The following CDH18 variants were observed in gnomAD, a reference collection of about 807,000 sequenced individuals.
CDH18 encodes the protein cadherin 18.
A neutral mutation model predicts 67.9 loss-of-function variants in CDH18; 31 were observed. The observed-to-expected ratio is 0.46, with a 90% CI of 0.34 to 0.62. The LOEUF is 0.62. Among genes scored for constraint, CDH18 ranks in the 20% least tolerant of loss-of-function variants. The probability of loss-of-function intolerance (pLI) is 0.01; values close to 1 mark genes in which losing one functional copy is unlikely to be tolerated. For synonymous variants in CDH18, 362 were observed against 347.2 expected, an observed-to-expected ratio of 1.04 and a Z score of -0.48; for missense variants, 890 against 975.5, an observed-to-expected ratio of 0.91 and a Z score of 1.17.
At chr5:19,918,703 G>T (rs1792098806) in intron 2 of CDH18, among the ~76,000 whole-genome samples, 1 of 152,046 alleles carries the variant, frequency 6.6e-6, no homozygotes, top group South Asian at 2.1e-4. Context: ...TGAAAAAATG[G>T]AAAGAGATCT....
chr5:20,352,634 A>C (rs1741291778), intron 1 of CDH18, among the ~76,000 whole-genome samples: 1 of 150,460 alleles, frequency 6.6e-6, no homozygotes, highest in South Asian at 2.1e-4. Flanking sequence ...CAAAAAAAAA[A>C]AAAAAAAAAA....
chr5:19,490,474 G>A (rs1010080787), intron 11 of CDH18, among the ~76,000 whole-genome samples: 4 of 134,314 alleles, frequency 3.0e-5, no homozygotes, highest in Non-Finnish European at 4.6e-5. Context: ...GAGTGCAGTG[G>A]TGCGATCTTG....
chr5:19,612,841 T>G (rs1749212831), intron 5 of CDH18, among the ~76,000 whole-genome samples: 1 of 152,138 alleles, frequency 6.6e-6, no homozygotes, highest in Non-Finnish European at 1.5e-5. Context: ...CTGCATTCCT[T>G]AAAGTAGATG....
intron 3 of CDH18, among the ~76,000 whole-genome samples, chr5:19,825,219 G>T (rs1247080667): frequency 6.6e-6 from 1 of 152,122 alleles, no homozygotes; most frequent in African/African-American, 2.4e-5. Context: ...ATGGCAGGGT[G>T]GGTGACTCAA....
intron 1 of CDH18, among the ~76,000 whole-genome samples, chr5:20,543,983 A>G (rs771813398): frequency 3.3e-5 from 5 of 152,130 alleles, no homozygotes; most frequent in African/African-American, 4.8e-5. Flanking sequence ...TAGAACACAT[A>G]TTTATTTTCT....
intron 10 of CDH18, among the ~76,000 whole-genome samples, chr5:19,506,545 T>C (rs1160130445): frequency 6.6e-6 from 1 of 152,160 alleles, no homozygotes; most frequent in Non-Finnish European, 1.5e-5. Context: ...AGCATGGTAC[T>C]GGTACCAAAA....
chr5:20,252,086 T>C (rs1339956538), intron 2 of CDH18, among the ~76,000 whole-genome samples: 2 of 152,092 alleles, frequency 1.3e-5, no homozygotes, highest in African/African-American at 4.8e-5. Context: ...GCAAGGCAAC[T>C]GTATATAAAA....
chr5:19,568,226 T>C (rs1257973743), intron 8 of CDH18, among the ~76,000 whole-genome samples: 1 of 152,106 alleles, frequency 6.6e-6, no homozygotes, highest in Non-Finnish European at 1.5e-5. Flanking sequence ...TGCTACAAGC[T>C]GAATGCTTTT....
chr5:19,916,335 G>T (rs535148690), intron 2 of CDH18, among the ~76,000 whole-genome samples: 21 of 152,198 alleles, frequency 1.4e-4, no homozygotes, highest in African/African-American at 4.6e-4. Context: ...CTATTCTTCT[G>T]CAAGAAATCT....
intron 1 of CDH18, among the ~76,000 whole-genome samples, chr5:20,568,598 C>T (rs1758643515): frequency 2.0e-5 from 3 of 148,534 alleles, no homozygotes; most frequent in Admixed American, 2.0e-4. Context: ...CAAGAGTGGG[C>T]ATTTCAGAAT....
chr5:20,270,616 A>G (rs142854626), intron 1 of CDH18, among the ~76,000 whole-genome samples: 1,712 of 152,272 alleles, frequency 0.011, 35 homozygotes, highest in African/African-American at 0.039. Flanking sequence ...CATTGGACTC[A>G]GCAATCCCAT....
chr5:19,656,357 T>C (rs759455464), intron 5 of CDH18, among the ~76,000 whole-genome samples: 1 of 152,106 alleles, frequency 6.6e-6, no homozygotes, highest in Non-Finnish European at 1.5e-5. Context: ...CATTTTTTTC[T>C]TAAAATGTAA....
rs906169960 is a variant in CDH18, at chr5:20,130,758, T to C, written c.-518+124686A>G. 3.3e-5 allele frequency among the ~76,000 whole-genome samples: 5 copies of C among 152,042 alleles called. 1 individual carries two copies. The highest frequency in any genetic ancestry group is 4.8e-5 in the African/African-American group (2 of 41,364). On this transcript the variant is annotated intron_variant, in intron 2 of 14. Transcript: ENST00000507958. ...ATTTTTTACCTCAATTTCTTCCTTT[T>C]AAAAATCTCATATCAATATAAGTAA... is the stretch of plus-strand genomic sequence containing the variant.
chr5:19,503,177 T>C (rs13183769), intron 10 of CDH18, 68 bp from the exon 11 acceptor site: 2 of 740,790 alleles, frequency 2.7e-6, no homozygotes, highest in East Asian at 2.5e-5. Flanking sequence ...AATTACACTG[T>C]ATTATTTCTG....
At chr5:20,277,044 C>T (rs575416486) in intron 1 of CDH18, among the ~76,000 whole-genome samples, 2 of 152,208 alleles carry the variant, frequency 1.3e-5, no homozygotes, top group African/African-American at 4.8e-5. Context: ...AACGTCAGGC[C>T]CTGGCTTCAG....
At chr5:20,145,190 T>G (rs1750547019) in intron 2 of CDH18, among the ~76,000 whole-genome samples, 2 of 152,294 alleles carry the variant, frequency 1.3e-5, no homozygotes, top group South Asian at 4.1e-4. Context: ...TACATAAATT[T>G]AAATCTTATT....
intron 1 of CDH18, among the ~76,000 whole-genome samples, chr5:20,331,728 GC>G (rs1739210073): frequency 6.6e-6 from 1 of 152,118 alleles, no homozygotes; most frequent in Non-Finnish European, 1.5e-5. Context: ...TTACACCTGG[GC>G]CCAACTTCCT....
At chr5:20,066,195 T>C (rs1156353951) in intron 2 of CDH18, among the ~76,000 whole-genome samples, 2 of 152,016 alleles carry the variant, frequency 1.3e-5, no homozygotes, top group Non-Finnish European at 2.9e-5. Flanking sequence ...TATAAATTTC[T>C]CTGGTGACCC....
chr5:20,185,319 T>C (rs962892206), intron 2 of CDH18, among the ~76,000 whole-genome samples: 7 of 152,074 alleles, frequency 4.6e-5, no homozygotes. Flanking sequence ...GTGATCAATC[T>C]GTATGCAGCC....
Sources: gnomAD v4.1 joint callset for allele counts (sites outside exome capture counted in the v4.1 genomes callset) on GRCh38, gnomAD v4.1.1 for gene constraint, MANE v1.5 for transcripts, NCBI Gene and HGNC (gene_info 2026-07-23, HGNC 2026-07-21) for gene names.